Variants in TSPAN33 observed in about 807,000 individuals in gnomAD.
The protein encoded by TSPAN33 is tetraspanin 33, also known as tetraspanin-33.
TSPAN33 carries 27 observed loss-of-function variants against 34.8 expected under a neutral mutation model. That is an observed-to-expected ratio of 0.78 (90% CI 0.57 to 1.07). The LOEUF (loss-of-function observed/expected upper bound fraction) is 1.07, where lower values mean the gene tolerates loss of function less well. Ranked by LOEUF, TSPAN33 falls within the 50% of genes least tolerant of loss-of-function variation. The pLI is 0.00. For synonymous variants in TSPAN33, 119 were observed against 124.2 expected, an observed-to-expected ratio of 0.96 and a Z score of 0.28; for missense variants, 272 against 324.9, an observed-to-expected ratio of 0.84 and a Z score of 1.25.
intron 1 of TSPAN33, among the ~76,000 whole-genome samples, chr7:129,151,505 A>C (rs1046439330): frequency 2.6e-5 from 4 of 152,148 alleles, no homozygotes; most frequent in Non-Finnish European, 4.4e-5. Context: ...CATAAGAGCC[A>C]GGAGAACAAC....
intron 1 of TSPAN33, 70 bp from the exon 2 acceptor site, chr7:129,161,609 G>C: frequency 1.3e-6 from 2 of 1,497,860 alleles, no homozygotes; most frequent in Admixed American, 3.4e-5. Context: ...GCTCTCCTAG[G>C]TTTCTCATGG....
intron 4 of TSPAN33, among the ~76,000 whole-genome samples, chr7:129,163,235 G>A (rs1251685621): frequency 6.6e-6 from 1 of 151,700 alleles, no homozygotes; most frequent in Admixed American, 6.6e-5. Flanking sequence ...AATATGAAGA[G>A]CCTCTTATTT....
At chr7:129,158,824 C>T (rs1333388459) in intron 1 of TSPAN33, among the ~76,000 whole-genome samples, 1 of 152,188 alleles carries the variant, frequency 6.6e-6, no homozygotes, top group Admixed American at 6.5e-5. Context: ...GTTCTCAGCT[C>T]ACTGCAACCT....
At chr7:129,159,065 T>C (rs999968325) in intron 1 of TSPAN33, among the ~76,000 whole-genome samples, 4 of 150,728 alleles carry the variant, frequency 2.7e-5, no homozygotes, top group African/African-American at 9.8e-5. Flanking sequence ...TTTCTTTTTC[T>C]TTCTTTTTTT....
At chr7:129,164,043 A>G (rs1224481065) in intron 4 of TSPAN33, among the ~76,000 whole-genome samples, 2 of 152,186 alleles carry the variant, frequency 1.3e-5, no homozygotes, top group Non-Finnish European at 2.9e-5. Flanking sequence ...TTACAGTAAG[A>G]TCCTGAAATG....
At chr7:129,159,500 C>T (rs1018231622) in intron 1 of TSPAN33, among the ~76,000 whole-genome samples, 1 of 152,194 alleles carries the variant, frequency 6.6e-6, no homozygotes, top group East Asian at 1.9e-4. Context: ...GAAAATTATA[C>T]ACCCTGGTGA....
Position 129,162,798 on chromosome 7 carries a change from G to C in TSPAN33, c.289-35G>C, listed in dbSNP as rs377572639. The C allele has an allele frequency of 6.2e-5, 100 of 1,609,500 alleles. No individual in the cohort carries two copies. The African/African-American group carries it at 9.3e-4, about 15-fold the overall frequency. Reference sequence around the variant, plus strand: ...CCTGGAAGGGGTTGCTGCCATGAGTGGTCCTAGACGCCTCTTCTTCCTGCT... The same window carrying C: ...CCTGGAAGGGGTTGCTGCCATGAGTCGTCCTAGACGCCTCTTCTTCCTGCT... On this transcript the variant is annotated intron_variant, in intron 3 of 7. Coordinates refer to ENST00000486685, the MANE Select transcript of TSPAN33 (RefSeq NM_178562.5).
At chr7:129,159,540 G>A (rs1204379775) in intron 1 of TSPAN33, among the ~76,000 whole-genome samples, 1 of 152,188 alleles carries the variant, frequency 6.6e-6, no homozygotes. Flanking sequence ...ATGAGAGCCT[G>A]GAAGCAACAG....
chr7:129,160,507 C>G (rs777280307), intron 1 of TSPAN33, among the ~76,000 whole-genome samples: 6 of 152,146 alleles, frequency 3.9e-5, no homozygotes, highest in Non-Finnish European at 8.8e-5. Flanking sequence ...GGCCTGGGGG[C>G]TAGGGGGTAG....
chr7:129,163,584 C>A (rs1213235543), intron 4 of TSPAN33, among the ~76,000 whole-genome samples: 1 of 152,124 alleles, frequency 6.6e-6, no homozygotes, highest in Non-Finnish European at 1.5e-5. Flanking sequence ...TCCCAAAAGG[C>A]AAATGATTGC....
chr7:129,162,744 T>A, intron 3 of TSPAN33, 89 bp from the exon 4 acceptor site: 1 of 1,491,872 alleles, frequency 6.7e-7, no homozygotes, highest in African/African-American at 1.4e-5. Flanking sequence ...CTGGGAGAAT[T>A]GCCTGGCAGC....
rs2150618127 is a variant in TSPAN33, at chr7:129,144,773, C to G, written c.-208C>G. ...GAGTCTCGTCCGCTCGCGCTGCCCA[C>G]CGCGGCTCCAGCAGCTCCAGGCGCG... On this transcript the variant is annotated 5_prime_UTR_variant, in exon 1 of 8. Transcript: ENST00000486685. 6.7e-6 allele frequency: 1 copy of G among 149,548 alleles called. No individual in the cohort carries two copies. Among genetic ancestry groups the G allele is most frequent in the East Asian group, 2.0e-4 (1 of 5,012 alleles). 9.3% of individuals were successfully genotyped at this position (149,548 alleles called of 1,614,324 possible). A position where few individuals can be genotyped will look rare whatever the true frequency, so the allele number is the denominator to read the frequency against.
chr7:129,149,181 C>T (rs1221249089), intron 1 of TSPAN33, among the ~76,000 whole-genome samples: 1 of 152,154 alleles, frequency 6.6e-6, no homozygotes, highest in Non-Finnish European at 1.5e-5. Flanking sequence ...CTATGCAGGT[C>T]GCGTGCACAC....
At chr7:129,163,336 T>TTTC (rs1554456711) in intron 4 of TSPAN33, among the ~76,000 whole-genome samples, 1 of 146,900 alleles carries the variant, frequency 6.8e-6, no homozygotes, top group African/African-American at 2.6e-5. Flanking sequence ...TTTCTTTCTT[T>TTTC]TTTTTTTTTT....
chr7:129,167,806 A>AATCAGATCAAAG lies in TSPAN33; in HGVS notation c.795_806dup (p.Asp266_Lys269dup), dbSNP rs1180713104. On this transcript the variant is annotated inframe_insertion, in exon 8 of 8. Transcript: ENST00000486685. This position sits in a 1 kb window ranked among gnomAD's most constrained non-coding sequence, Gnocchi z 4.6. Reference sequence around the variant, plus strand: ...AATTCTGCTGTCCCAGATCCTAGTGAATCAGATCAAAGATCAGATCAAGCT... The same window carrying AATCAGATCAAAG: ...AATTCTGCTGTCCCAGATCCTAGTGAATCAGATCAAAGATCAGATCAAAGATCAGATCAAGCT... 1 of 1,614,074 alleles carries AATCAGATCAAAG rather than the reference A, an allele frequency of 6.2e-7. No individual in the cohort carries two copies. The highest frequency in any genetic ancestry group is 1.1e-5 in the South Asian group (1 of 91,080).
chr7:129,144,949 AG>A lies in TSPAN33; in HGVS notation c.-30del, dbSNP rs1810496114. 1.8e-6 allele frequency: 1 copy of A among 545,518 alleles called. No homozygotes were observed. The highest frequency in any genetic ancestry group is 2.0e-5 in the African/African-American group (1 of 48,822). The allele number at this position is 545,518 out of a possible 1,614,324, so 33.8% of individuals were successfully genotyped here. ...GGCCGGCCGGCAGCCGCTGGGAAATAGGCCCCCGGGGGCGGTGGCGGCGGCG... is the reference window on the plus strand; with the variant it reads ...GGCCGGCCGGCAGCCGCTGGGAAATAGCCCCCGGGGGCGGTGGCGGCGGCG... On this transcript the variant is annotated 5_prime_UTR_variant, in exon 1 of 8. Transcript: ENST00000486685.
chr7:129,164,676 T>A (rs372407048), intron 5 of TSPAN33, 107 bp downstream of exon 5: 1 of 1,075,696 alleles, frequency 9.3e-7, no homozygotes, highest in African/African-American at 1.5e-5. Flanking sequence ...TGCCAGGTAA[T>A]GGCTTCTGGG....
chr7:129,149,062 C>T (rs1376711816), intron 1 of TSPAN33, among the ~76,000 whole-genome samples: 2 of 152,166 alleles, frequency 1.3e-5, no homozygotes, highest in Non-Finnish European at 2.9e-5. Flanking sequence ...CCACCCCCGC[C>T]GTCTTCCCCA....
intron 1 of TSPAN33, among the ~76,000 whole-genome samples, chr7:129,154,788 G>C (rs945300872): frequency 6.6e-6 from 1 of 152,044 alleles, no homozygotes; most frequent in Admixed American, 6.6e-5. Flanking sequence ...GGTGGGAGGA[G>C]GTAATAGACT....
Sources: allele counts gnomAD v4.1 joint callset (sites outside exome capture counted in the v4.1 genomes callset), GRCh38; gene constraint gnomAD v4.1.1; non-coding constraint Gnocchi (gnomAD v3.1); transcripts MANE v1.5; gene names NCBI Gene and HGNC (gene_info 2026-07-23, HGNC 2026-07-21).